BPNT2: variants seen among roughly 807,000 people sequenced by gnomAD.
BPNT2 encodes the protein Golgi-resident adenosine 3',5'-bisphosphate 3'-phosphatase.
Under a neutral mutation model 29.3 loss-of-function variants are expected in BPNT2, and 11 were observed. The ratio of observed to expected loss-of-function variants is 0.38; its 90% CI spans 0.24 to 0.62. BPNT2 has a LOEUF of 0.62. Ranked by LOEUF, BPNT2 falls within the 20% of genes least tolerant of loss-of-function variation. The pLI is 0.62. For missense variants in BPNT2, 459 were observed against 473.4 expected (o/e 0.97, Z 0.28); for synonymous variants, 195 against 187.7 (o/e 1.04, Z -0.32).
At chr8:56,979,886 T>C in intron 2 of BPNT2, 149 bp downstream of exon 2, 2 of 704,006 alleles carry the variant, frequency 2.8e-6, no homozygotes, top group Non-Finnish European at 2.5e-6. Context: ...ATTATAGGTG[T>C]CCAATATAAA....
At chr8:56,986,824 T>C (rs1449092541) in intron 1 of BPNT2, among the ~76,000 whole-genome samples, 4 of 152,228 alleles carry the variant, frequency 2.6e-5, no homozygotes, top group Non-Finnish European at 5.9e-5. Context: ...ACTACAAGTA[T>C]AGTTTCTTTA....
Position 56,993,576 on chromosome 8 carries a change from T to A in BPNT2, c.10A>T (p.Met4Leu), listed in dbSNP as rs752883986. The change falls in exon 1 of 5, where the codon ATG becomes TTG. Residue 4 changes from methionine to leucine, a missense_variant. Met to Leu is a conservative substitution (Grantham distance 15). Transcript: ENST00000262644. MAP[M>L]GIRLSPLGVA... is the part of the protein sequence containing the mutation. Reference sequence around the variant, plus strand: ...CCCAGTGGGGAAAGGCGGATGCCCATGGGGGCCATGGCGTGGGAAGCCGGG... The same window carrying A: ...CCCAGTGGGGAAAGGCGGATGCCCAAGGGGGCCATGGCGTGGGAAGCCGGG... 1 of 1,449,202 alleles carries A rather than the reference T, an allele frequency of 6.9e-7. No individual in the cohort carries two copies. Among genetic ancestry groups the A allele is most frequent in the Non-Finnish European group, 9.1e-7 (1 of 1,097,736 alleles). The allele number at this position is 1,449,202 out of a possible 1,614,324, so 89.8% of individuals were successfully genotyped here. A position where few individuals can be genotyped will look rare whatever the true frequency, so the allele number is the denominator to read the frequency against.
At chr8:56,978,500 G>T (rs1323985927) in intron 2 of BPNT2, among the ~76,000 whole-genome samples, 4 of 151,960 alleles carry the variant, frequency 2.6e-5, no homozygotes, top group Admixed American at 1.3e-4. Context: ...TTCCTCAAAG[G>T]CCTGAAGAAA....
At chr8:56,991,832 G>T (rs1324190582) in intron 1 of BPNT2, among the ~76,000 whole-genome samples, 1 of 151,978 alleles carries the variant, frequency 6.6e-6, no homozygotes, top group Admixed American at 6.5e-5. Flanking sequence ...CGTATGTTTT[G>T]GAAAGGGGGT....
chr8:56,981,723 G>GA (rs1806246773), intron 1 of BPNT2, among the ~76,000 whole-genome samples: 1 of 152,122 alleles, frequency 6.6e-6, no homozygotes, highest in South Asian at 2.1e-4. Flanking sequence ...GCCTCACCAT[G>GA]AGACTTCTAT....
intron 1 of BPNT2, among the ~76,000 whole-genome samples, chr8:56,988,580 G>C (rs1456628690): frequency 4.6e-5 from 7 of 152,140 alleles, no homozygotes; most frequent in Non-Finnish European, 1.0e-4. Context: ...ATTATCCTTG[G>C]TTCTAGGCCC....
intron 3 of BPNT2, among the ~76,000 whole-genome samples, chr8:56,967,877 C>G (rs1443994602): frequency 6.6e-6 from 1 of 152,170 alleles, no homozygotes. Context: ...CTTTCCCACA[C>G]TAACAGAAAT....
intron 1 of BPNT2, among the ~76,000 whole-genome samples, chr8:56,984,075 C>T (rs1321452495): frequency 6.6e-6 from 1 of 152,136 alleles, no homozygotes; most frequent in Admixed American, 6.5e-5. Flanking sequence ...GACGAAGTAG[C>T]TTATGGGCCT....
At chr8:56,971,207 G>A (rs1232759078) in intron 3 of BPNT2, among the ~76,000 whole-genome samples, 1 of 150,732 alleles carries the variant, frequency 6.6e-6, no homozygotes, top group Non-Finnish European at 1.5e-5. Flanking sequence ...ATGATAATGA[G>A]GTATAGTGGT....
At position 56,993,228 on chromosome 8, in the gene BPNT2, G is replaced by A. The variant is rs779052221; in HGVS notation, c.358C>T (p.Leu120=). 2.5e-6 allele frequency: 4 copies of A among 1,605,114 alleles called. No individual in the cohort carries two copies. Among genetic ancestry groups the A allele is most frequent in the Non-Finnish European group, 3.4e-6 (4 of 1,179,718 alleles). ...DVLSNRKMFY[L]LKTAFPSVQI... is the part of the protein sequence containing the mutation. ...ACGCTGGGGAAGGCGGTCTTGAGCA[G>A]GTAGAACATCTTGCGGTTGGACAGC... Residue 120 remains leucine (L), a synonymous_variant, in exon 1 of 5, where the codon CTG becomes TTG. Coordinates refer to ENST00000262644, the MANE Select transcript of BPNT2 (RefSeq NM_017813.5).
intron 1 of BPNT2, among the ~76,000 whole-genome samples, chr8:56,990,088 T>C (rs909944748): frequency 6.6e-6 from 1 of 152,240 alleles, no homozygotes; most frequent in Non-Finnish European, 1.5e-5. Flanking sequence ...TTAGTGCTTC[T>C]CAAACTTTTC....
chr8:56,990,535 G>A (rs182303102), intron 1 of BPNT2, among the ~76,000 whole-genome samples: 122 of 152,268 alleles, frequency 8.0e-4, no homozygotes, highest in African/African-American at 2.8e-3. Context: ...AGGAAATCCA[G>A]GGAGCCTAGG....
intron 1 of BPNT2, among the ~76,000 whole-genome samples, chr8:56,988,398 A>G (rs991514360): frequency 4.6e-5 from 7 of 152,194 alleles, no homozygotes; most frequent in Non-Finnish European, 1.0e-4. Flanking sequence ...AAACTTTCTG[A>G]GCTACAATTA....
intron 3 of BPNT2, among the ~76,000 whole-genome samples, chr8:56,970,223 T>C (rs1806008776): frequency 6.6e-6 from 1 of 152,188 alleles, no homozygotes; most frequent in African/African-American, 2.4e-5. Context: ...ACTTTAATCA[T>C]CTGAGCATCA....
rs923337791 is a variant in BPNT2, at chr8:56,980,162, C to A, written c.423G>T (p.Gln141His). ...NTEEHVDAAD[Q>H]EVILWDHKIP... Reference sequence around the variant, plus strand: ...TCTTATGATCCCACAAGATAACCTCCTGATCAGCTGCATCCACGTGTTCCT... The same window carrying A: ...TCTTATGATCCCACAAGATAACCTCATGATCAGCTGCATCCACGTGTTCCT... The change falls in exon 2 of 5, where the codon CAG (glutamine) becomes CAT (histidine). Residue 141 changes from glutamine to histidine, a missense_variant. Physicochemically the swap from Gln to His is conservative, Grantham distance 24. Transcript: ENST00000262644. 1.2e-6 allele frequency: 2 copies of A among 1,613,776 alleles called. No individual in the cohort carries two copies. Among genetic ancestry groups the A allele is most frequent in the South Asian group, 2.2e-5 (2 of 91,082 alleles).
At chr8:56,974,453 A>G (rs938094960) in intron 3 of BPNT2, among the ~76,000 whole-genome samples, 2 of 151,756 alleles carry the variant, frequency 1.3e-5, no homozygotes, top group Non-Finnish European at 2.9e-5. Flanking sequence ...GCCAACAACA[A>G]TAATATCTAG....
chr8:56,968,541 G>A (rs1023482132), intron 3 of BPNT2, among the ~76,000 whole-genome samples: 1 of 152,070 alleles, frequency 6.6e-6, no homozygotes, highest in South Asian at 2.1e-4. Context: ...TCAGTGGCTT[G>A]TGCCTATAAT....
At chr8:56,992,833 A>T (rs1333147104) in intron 1 of BPNT2, among the ~76,000 whole-genome samples, 3 of 151,962 alleles carry the variant, frequency 2.0e-5, no homozygotes, top group Non-Finnish European at 4.4e-5. Flanking sequence ...CCTTCTAGGG[A>T]TGAAATCAAG....
intron 3 of BPNT2, among the ~76,000 whole-genome samples, chr8:56,972,536 G>A (rs1036791400): frequency 3.9e-5 from 6 of 151,964 alleles, no homozygotes; most frequent in African/African-American, 1.5e-4. Flanking sequence ...ATCTCATATT[G>A]AAAATGCAGC....
Sources: gnomAD v4.1 joint callset for allele counts (sites outside exome capture counted in the v4.1 genomes callset) on GRCh38, gnomAD v4.1.1 for gene constraint, MANE v1.5 for transcripts, NCBI Gene and HGNC (gene_info 2026-07-23, HGNC 2026-07-21) for gene names.